PPP6R1: variants seen among roughly 807,000 people sequenced by gnomAD.
PPP6R1 encodes serine/threonine-protein phosphatase 6 regulatory subunit 1.
Under a neutral mutation model 104.6 loss-of-function variants are expected in PPP6R1, and 39 were observed. The observed-to-expected ratio is 0.37, with a 90% CI of 0.29 to 0.49. The LOEUF (loss-of-function observed/expected upper bound fraction) is 0.49, where lower values mean the gene tolerates loss of function less well. Among genes scored for constraint, PPP6R1 ranks in the 20% least tolerant of loss-of-function variants. The pLI is 0.98. For synonymous variants in PPP6R1, 549 were observed against 479.0 expected (o/e 1.15, Z -1.91); for missense variants, 1,181 against 1,155.8 (o/e 1.02, Z -0.32).
chr19:55,237,700 C>T (rs1397562087), intron 15 of PPP6R1, among the ~76,000 whole-genome samples: 1 of 152,242 alleles, frequency 6.6e-6, no homozygotes, highest in Non-Finnish European at 1.5e-5. Flanking sequence ...CCTTCCAAGG[C>T]AAGTGTCCTT....
chr19:55,237,786 C>G (rs2087412692), intron 15 of PPP6R1, among the ~76,000 whole-genome samples: 1 of 152,250 alleles, frequency 6.6e-6, no homozygotes, highest in Non-Finnish European at 1.5e-5. Flanking sequence ...CAGGGCAGCC[C>G]ATGTCCCCGT....
At position 55,245,728 on chromosome 19, in the gene PPP6R1, A is replaced by G. The variant is rs2087502600; in HGVS notation, c.228-50T>C. On this transcript the variant is annotated intron_variant, in intron 2 of 23. Coordinates refer to ENST00000412770, the MANE Select transcript of PPP6R1 (RefSeq NM_014931.4). The surrounding 1 kb of genome is among the most constrained non-coding windows in gnomAD (Gnocchi z 6.4). ...GGGGCTCGGGTCGGAGGCCGGGGGC[A>G]GGGGGCGGCAAGGCTCCACCCTCTT... 24 of 677,392 alleles carry G rather than the reference A, an allele frequency of 3.5e-5. No individual in the cohort carries two copies. The highest frequency in any genetic ancestry group is 5.6e-5 in the Non-Finnish European group (23 of 407,682). The allele number at this position is 677,392 out of a possible 1,614,324, so 42.0% of individuals were successfully genotyped here.
chr19:55,242,462 C>T lies in PPP6R1; in HGVS notation c.645G>A (p.Leu215=), dbSNP rs1015326739. The T allele has an allele frequency of 2.5e-6, 4 of 1,613,992 alleles. No individual in the cohort carries two copies. Among genetic ancestry groups the T allele is most frequent in the African/African-American group, 1.3e-5 (1 of 75,070 alleles). The change falls in exon 6 of 24, where the codon CTG becomes CTA. Residue 215 remains leucine, a synonymous_variant. Transcript: ENST00000412770. ...ENQHSNASQS[L]CDIIRLSREQ... ...CCCGGCTCAGGCGGATGATGTCACACAGGGACTGGGATGCGTTGGAATGTT... is the reference window on the plus strand; with the variant it reads ...CCCGGCTCAGGCGGATGATGTCACATAGGGACTGGGATGCGTTGGAATGTT...
At chr19:55,235,266 G>C (rs1278494396) in intron 17 of PPP6R1, among the ~76,000 whole-genome samples, 1 of 151,880 alleles carries the variant, frequency 6.6e-6, no homozygotes, top group African/African-American at 2.4e-5. Context: ...CCTGATTGGA[G>C]AGGGACGTCA....
In PPP6R1 at chr19:55,230,555, G is replaced by T. The variant is rs569609624; in HGVS notation, c.2643-24C>A. On this transcript the variant is annotated intron_variant, in intron 23 of 23. Transcript: ENST00000412770. Reference sequence around the variant, plus strand: ...ATCTGGAAACAGAGGGAGATGTCGTGTGAGGGTCTAGCAGGCCCAGCCCCA... The same window carrying T: ...ATCTGGAAACAGAGGGAGATGTCGTTTGAGGGTCTAGCAGGCCCAGCCCCA... 8.1e-5 allele frequency: 130 copies of T among 1,613,612 alleles called. 4 individuals are homozygous for T. The East Asian group carries it at 2.7e-3, about 33-fold the overall frequency.
chr19:55,257,756 C>A (rs189049207), intron 1 of PPP6R1, among the ~76,000 whole-genome samples: 1 of 152,362 alleles, frequency 6.6e-6, no homozygotes, highest in East Asian at 1.9e-4. Flanking sequence ...TGCCTTTGTA[C>A]CCCCTCCAGG....
rs535101402 is a variant in PPP6R1, at chr19:55,230,324, C to T, written c.*204G>A. 63 of 640,038 alleles carry T rather than the reference C, an allele frequency of 9.8e-5. No homozygotes were observed. The highest frequency in any genetic ancestry group is 1.2e-4 in the Non-Finnish European group (44 of 371,710). 39.6% of individuals were successfully genotyped at this position (640,038 alleles called of 1,614,324 possible). A position where few individuals can be genotyped will look rare whatever the true frequency, so the allele number is the denominator to read the frequency against. ...TCTGTATCTTTATTCTAGGAGGCAA[C>T]GCTCCAAAACTTCTCTTCTCAGTGC... On this transcript the variant is annotated 3_prime_UTR_variant, in exon 24 of 24. Transcript: ENST00000412770.
intron 21 of PPP6R1, 52 bp from the exon 22 acceptor site, chr19:55,230,936 C>G: frequency 7.0e-7 from 1 of 1,421,504 alleles, no homozygotes; most frequent in East Asian, 2.3e-5. Flanking sequence ...CCGTCACCTG[C>G]TGACACCCTC....
At chr19:55,235,770 A>G (rs1465738972) in intron 17 of PPP6R1, among the ~76,000 whole-genome samples, 14 of 151,484 alleles carry the variant, frequency 9.2e-5, no homozygotes, top group African/African-American at 2.4e-4. Context: ...CGCCCGCCTC[A>G]GCCTCCCAAA....
At position 55,241,759 on chromosome 19, in the gene PPP6R1, G is replaced by T; in HGVS notation, c.846-120C>A. On this transcript the variant is annotated intron_variant, in intron 7 of 23. Transcript: ENST00000412770. The surrounding 1 kb of genome is among the most constrained non-coding windows in gnomAD (Gnocchi z 5.4). ...GAAAACGAGGAGCCACATGCCCCCA[G>T]CGCCGCTCTCTTCTGAGGCCCTTCA... The T allele has an allele frequency of 8.0e-7, 1 of 1,246,656 alleles. No homozygotes were observed. Among genetic ancestry groups the T allele is most frequent in the Non-Finnish European group, 1.1e-6 (1 of 917,276 alleles). The allele number at this position is 1,246,656 out of a possible 1,614,324, so 77.2% of individuals were successfully genotyped here.
chr19:55,248,013 A>C (rs954042952), intron 1 of PPP6R1, among the ~76,000 whole-genome samples: 10 of 152,188 alleles, frequency 6.6e-5, no homozygotes, highest in Non-Finnish European at 1.3e-4. Flanking sequence ...TCCAGCCCCT[A>C]AACGCTCGTG....
chr19:55,242,619 C>T (rs899797285), intron 5 of PPP6R1, 131 bp from the exon 6 acceptor site: 1 of 748,722 alleles, frequency 1.3e-6, no homozygotes, highest in Non-Finnish European at 2.3e-6. Flanking sequence ...ACACGTGTTA[C>T]GAAGGAGGAG....
chr19:55,251,318 C>T (rs1035294833), intron 1 of PPP6R1, among the ~76,000 whole-genome samples: 1 of 152,190 alleles, frequency 6.6e-6, no homozygotes, highest in Non-Finnish European at 1.5e-5. Context: ...GGAACCTGGC[C>T]CTGGCAATAA....
In PPP6R1 at chr19:55,232,143, CCCT is replaced by C. The variant is rs764366166; in HGVS notation, c.2054_2056del (p.Glu685del). 22 of 1,587,078 alleles carry C rather than the reference CCCT, an allele frequency of 1.4e-5. No individual in the cohort carries two copies. Among genetic ancestry groups the C allele is most frequent in the African/African-American group, 6.7e-5 (5 of 74,410 alleles). ...CCCTCCACGGGCTGCACAGCCAATG[CCCT>C]CCTCGTCTTCCTCCTCCTCCTCGTC... On this transcript the variant is annotated inframe_deletion, in exon 18 of 24. Transcript: ENST00000412770.
chr19:55,228,779 C>G, downstream of PPP6R1: 1 of 1,607,066 alleles, frequency 6.2e-7, no homozygotes, highest in Non-Finnish European at 8.5e-7. Flanking sequence ...AATCTGGGAG[C>G]GAGTGGCTTC....
chr19:55,234,651 C>CA (rs1467755741), intron 17 of PPP6R1, among the ~76,000 whole-genome samples: 1 of 104,276 alleles, frequency 9.6e-6, no homozygotes, highest in Non-Finnish European at 2.0e-5. Context: ...CGGCCGCACT[C>CA]ACAGCGGCTG....
At chr19:55,228,290 T>C (rs781484184), downstream of PPP6R1, 4 of 1,613,400 alleles carry the variant, frequency 2.5e-6, no homozygotes. Context: ...CTTGGGGACA[T>C]GACCCACAGG....
At chr19:55,228,369 A>T (rs878919351), downstream of PPP6R1, 1 of 1,613,896 alleles carries the variant, frequency 6.2e-7, no homozygotes, top group Non-Finnish European at 8.5e-7. Context: ...GGTCCTCGGG[A>T]ATCCAGAGGC....
chr19:55,241,107 G>C lies in PPP6R1; in HGVS notation c.1162-28C>G. ...ATGGGAGGACACAGGATTGGTACCA[G>C]AGAGGCCCCGCCCCAGCCGAGCCCC... On this transcript the variant is annotated intron_variant, in intron 9 of 23. Coordinates refer to ENST00000412770, the MANE Select transcript of PPP6R1 (RefSeq NM_014931.4). This position sits in a 1 kb window ranked among gnomAD's most constrained non-coding sequence, Gnocchi z 5.4. The C allele has an allele frequency of 6.5e-7, 1 of 1,546,190 alleles. No homozygotes were observed. Among genetic ancestry groups the C allele is most frequent in the Admixed American group, 2.0e-5 (1 of 50,882 alleles).
Sources: gnomAD v4.1 joint callset for allele counts (sites outside exome capture counted in the v4.1 genomes callset) on GRCh38, gnomAD v4.1.1 for gene constraint, Gnocchi (gnomAD v3.1) non-coding constraint, MANE v1.5 for transcripts, NCBI Gene and HGNC (gene_info 2026-07-23, HGNC 2026-07-21) for gene names.